PDE1A: variants seen among roughly 807,000 people sequenced by gnomAD.
The protein encoded by PDE1A is dual specificity calcium/calmodulin-dependent 3',5'-cyclic nucleotide phosphodiesterase 1A.
Under a neutral mutation model 61.7 loss-of-function variants are expected in PDE1A, and 35 were observed. The ratio of observed to expected loss-of-function variants is 0.57; its 90% CI spans 0.43 to 0.75. The LOEUF is 0.75. Ranked by LOEUF, PDE1A falls within the 30% of genes least tolerant of loss-of-function variation. The pLI, the probability that PDE1A is intolerant of heterozygous loss-of-function variation, is 0.00. For missense variants in PDE1A, 597 were observed against 630.6 expected (o/e 0.95, Z 0.57); for synonymous variants, 232 against 213.2 (o/e 1.09, Z -0.77).
chr2:182,464,261 T>C (rs1368204971), intron 2 of PDE1A, among the ~76,000 whole-genome samples: 1 of 151,974 alleles, frequency 6.6e-6, no homozygotes, highest in African/African-American at 2.4e-5. Context: ...AGAAAGACTT[T>C]ACTTAGGACC....
intron 7 of PDE1A, among the ~76,000 whole-genome samples, chr2:182,208,875 C>G (rs369442396): frequency 3.3e-5 from 5 of 152,202 alleles, no homozygotes; most frequent in Non-Finnish European, 7.3e-5. Context: ...ATGCCTGTAA[C>G]CCCATTATAT....
chr2:182,229,927 A>C, intron 6 of PDE1A, 79 bp downstream of exon 6: 1 of 1,098,508 alleles, frequency 9.1e-7, no homozygotes, highest in South Asian at 1.6e-5. Flanking sequence ...TGGGCATTAA[A>C]GAGACAATAG....
chr2:182,417,211 G>A (rs918212886), intron 1 of PDE1A, among the ~76,000 whole-genome samples: 1 of 152,214 alleles, frequency 6.6e-6, no homozygotes, highest in African/African-American at 2.4e-5. Context: ...CTTAGCTGAT[G>A]TTATACCACT....
intron 7 of PDE1A, among the ~76,000 whole-genome samples, chr2:182,207,274 A>T (rs1343487382): frequency 2.6e-5 from 4 of 152,164 alleles, no homozygotes; most frequent in Non-Finnish European, 5.9e-5. Flanking sequence ...AGAGATAAGG[A>T]GGTCTTAGGT....
At chr2:182,208,683 C>T (rs1687321203) in intron 7 of PDE1A, among the ~76,000 whole-genome samples, 1 of 152,146 alleles carries the variant, frequency 6.6e-6, no homozygotes, top group South Asian at 2.1e-4. Context: ...AGGTGGAGTG[C>T]CCAAGGCCGT....
intron 1 of PDE1A, among the ~76,000 whole-genome samples, chr2:182,406,660 A>C (rs1702314359): frequency 6.6e-6 from 1 of 152,168 alleles, no homozygotes. Context: ...ATAAAAAATT[A>C]TTATCAGAAA....
chr2:182,223,346 TA>T (rs1253947432), intron 7 of PDE1A, among the ~76,000 whole-genome samples: 1 of 152,058 alleles, frequency 6.6e-6, no homozygotes, highest in African/African-American at 2.4e-5. Flanking sequence ...CCTAACAGAC[TA>T]ACATACTTCT....
chr2:182,432,228 A>G (rs1186347786), intron 2 of PDE1A, among the ~76,000 whole-genome samples: 1 of 152,034 alleles, frequency 6.6e-6, no homozygotes, highest in Non-Finnish European at 1.5e-5. Context: ...TAACCCTATG[A>G]TAAAATGTTA....
the PDE1A span, among the ~76,000 whole-genome samples, chr2:182,665,109 T>TA: frequency 5.9e-5 from 9 of 152,188 alleles, no homozygotes; most frequent in Admixed American, 1.3e-4. Flanking sequence ...AGACAATTGA[T>TA]AAAATACTAC....
chr2:182,637,944 A>G, the PDE1A span, among the ~76,000 whole-genome samples: 2 of 152,106 alleles, frequency 1.3e-5, no homozygotes, highest in East Asian at 3.9e-4. Flanking sequence ...AGTCAAAGTC[A>G]TACAAAAAAG....
chr2:182,497,479 C>G (rs1159841893), intron 2 of PDE1A, among the ~76,000 whole-genome samples: 1 of 152,128 alleles, frequency 6.6e-6, no homozygotes, highest in Non-Finnish European at 1.5e-5. Flanking sequence ...AACTATTGTT[C>G]CCATGTCGCT....
chr2:182,246,394 CTTTTTTCTTTCTT>C (rs1690954523), intron 2 of PDE1A, among the ~76,000 whole-genome samples: 1 of 105,366 alleles, frequency 9.5e-6, no homozygotes. Flanking sequence ...AGTCTTTTTT[CTTTTTTCTTTCTT>C]TTTTTTTTTT....
chr2:182,390,676 C>A (rs901700870), intron 1 of PDE1A, among the ~76,000 whole-genome samples: 1 of 152,144 alleles, frequency 6.6e-6, no homozygotes, highest in African/African-American at 2.4e-5. Context: ...TGAGCTGCAA[C>A]AAAAGGTGCA....
the PDE1A span, among the ~76,000 whole-genome samples, chr2:182,684,506 A>G: frequency 6.6e-6 from 1 of 152,220 alleles, no homozygotes; most frequent in Non-Finnish European, 1.5e-5. Context: ...TCAAGAACAG[A>G]CTTTCCTGAA....
At chr2:182,255,659 CTTT>C (rs1303654382) in intron 2 of PDE1A, among the ~76,000 whole-genome samples, 6 of 133,540 alleles carry the variant, frequency 4.5e-5, no homozygotes, top group Admixed American at 7.5e-5. Context: ...TCTTTCTTTT[CTTT>C]TTTTTTTTTT....
intron 7 of PDE1A, among the ~76,000 whole-genome samples, chr2:182,212,146 T>C (rs1157254492): frequency 1.3e-5 from 2 of 151,968 alleles, no homozygotes; most frequent in African/African-American, 4.8e-5. Flanking sequence ...AGGTTTTTTA[T>C]AAATAGATAA....
chr2:182,651,483 C>T, the PDE1A span, among the ~76,000 whole-genome samples: 1 of 152,180 alleles, frequency 6.6e-6, no homozygotes, highest in Non-Finnish European at 1.5e-5. Context: ...TACCTATCTA[C>T]ATAGTTAGAA....
At chr2:182,559,873 T>A in the PDE1A span, among the ~76,000 whole-genome samples, 13 of 152,114 alleles carry the variant, frequency 8.5e-5, no homozygotes, top group Middle Eastern at 3.2e-3. Context: ...TACAAAAGAA[T>A]GCTTTGAATG....
chr2:182,601,550 T>C, the PDE1A span, among the ~76,000 whole-genome samples: 1 of 152,188 alleles, frequency 6.6e-6, no homozygotes. Context: ...CCCCAAGTTC[T>C]TGTCCTGTGA....
Sources: gnomAD v4.1 joint callset for allele counts (sites outside exome capture counted in the v4.1 genomes callset) on GRCh38, gnomAD v4.1.1 for gene constraint, MANE v1.5 for transcripts, NCBI Gene and HGNC (gene_info 2026-07-23, HGNC 2026-07-21) for gene names.